DYSF: variants seen among roughly 807,000 people sequenced by gnomAD.
The protein encoded by DYSF is dysferlin.
DYSF carries 212 observed loss-of-function variants against 274.9 expected under a neutral mutation model. The observed-to-expected ratio is 0.77, with a 90% CI of 0.69 to 0.86. The LOEUF is 0.86. DYSF is among the 40% of genes least tolerant of loss of function. DYSF has a pLI of 0.00. For synonymous variants in DYSF, 1,091 were observed against 1,078.7 expected (o/e 1.01, Z -0.22); for missense variants, 2,666 against 2,783.2 (o/e 0.96, Z 0.95).
chr2:71,650,670 A>G (rs2094640864), intron 42 of DYSF, among the ~76,000 whole-genome samples: 1 of 152,174 alleles, frequency 6.6e-6, no homozygotes, highest in Non-Finnish European at 1.5e-5. Context: ...CAATACCAAG[A>G]AAACATTTTC....
intron 34 of DYSF, 195 bp from the exon 35 acceptor site, chr2:71,601,304 T>C: frequency 1.4e-6 from 1 of 717,352 alleles, no homozygotes; most frequent in Admixed American, 2.1e-5. Context: ...GTAGACTGAA[T>C]AGGAGTAGGG....
Position 71,594,111 on chromosome 2 carries a change from G to A in DYSF, c.3574+3823G>A, listed in dbSNP as rs746756462. ...AGGCTGCAGTGAGGTTTGATGAGCC[G>A]GAGCTGCCCACAGCTGGGGCCACGT... On this transcript the variant is annotated intron_variant, in intron 32 of 55. Transcript: ENST00000410020. 3.5e-4 allele frequency among the ~76,000 whole-genome samples: 54 copies of A among 152,156 alleles called. 1 individual carries two copies. The highest frequency in any genetic ancestry group is 2.6e-3 in the Admixed American group (40 of 15,280).
chr2:71,478,361 G>A (rs1247703064), intron 1 of DYSF, among the ~76,000 whole-genome samples: 3 of 151,934 alleles, frequency 2.0e-5, no homozygotes, highest in Non-Finnish European at 2.9e-5. Context: ...ACAGGTGCCA[G>A]CCACCATGCC....
intron 43 of DYSF, among the ~76,000 whole-genome samples, chr2:71,658,036 A>T (rs1279521589): frequency 6.6e-6 from 1 of 152,132 alleles, no homozygotes; most frequent in African/African-American, 2.4e-5. Context: ...CTGAACTTTT[A>T]TGCTCTGTTT....
chr2:71,612,748 G>A lies in DYSF; in HGVS notation c.4329G>A (p.Leu1443=). ...PVVGQCTIRS[L]ESFLCDPYSA... ...TGGGCCAGTGTACCATCCGCTCCCT[G>A]GAGAGCTTCCTGTGTGACCCCTACT... The change falls in exon 39 of 56, where the codon CTG becomes CTA. Residue 1443 remains leucine (L), a synonymous_variant. Transcript: ENST00000410020. 6.2e-7 allele frequency: 1 copy of A among 1,614,186 alleles called. No homozygotes were observed. Among genetic ancestry groups the A allele is most frequent in the Non-Finnish European group, 8.5e-7 (1 of 1,180,016 alleles).
intron 12 of DYSF, among the ~76,000 whole-genome samples, chr2:71,524,723 T>C (rs2087665828): frequency 6.6e-6 from 1 of 152,246 alleles, no homozygotes; most frequent in Non-Finnish European, 1.5e-5. Context: ...GACTTCCCCA[T>C]GTGCAAGGGC....
chr2:71,545,777 C>T (rs979048197), intron 17 of DYSF, among the ~76,000 whole-genome samples: 1 of 152,138 alleles, frequency 6.6e-6, no homozygotes, highest in Non-Finnish European at 1.5e-5. Flanking sequence ...ATCCCCCGAC[C>T]TGTCTTCATT....
chr2:71,613,465 T>C, intron 40 of DYSF, 55 bp downstream of exon 40: 1 of 1,426,084 alleles, frequency 7.0e-7, no homozygotes, highest in Non-Finnish European at 9.8e-7. Context: ...CCATTCCTCA[T>C]CAATTCCCAC....
intron 46 of DYSF, among the ~76,000 whole-genome samples, chr2:71,664,662 C>T: frequency 6.6e-6 from 1 of 152,160 alleles, no homozygotes; most frequent in South Asian, 2.1e-4. Context: ...AGGATTTGAA[C>T]CAAGAACCTG....
At chr2:71,495,925 G>T (rs1477474422) in intron 3 of DYSF, among the ~76,000 whole-genome samples, 2 of 151,834 alleles carry the variant, frequency 1.3e-5, no homozygotes, top group African/African-American at 4.8e-5. Context: ...TCTCTTCTGG[G>T]TCCTCAGGCA....
At chr2:71,548,866 C>A (rs992496426) in intron 17 of DYSF, among the ~76,000 whole-genome samples, 1 of 152,148 alleles carries the variant, frequency 6.6e-6, no homozygotes, top group Non-Finnish European at 1.5e-5. Flanking sequence ...CTGCTCGGCG[C>A]GCCTGGTCCC....
At chr2:71,470,881 T>C (rs2081986822) in intron 1 of DYSF, among the ~76,000 whole-genome samples, 1 of 149,438 alleles carries the variant, frequency 6.7e-6, no homozygotes, top group Non-Finnish European at 1.5e-5. Flanking sequence ...AACCGCCGCC[T>C]CCCAGGTTCG....
intron 40 of DYSF, among the ~76,000 whole-genome samples, chr2:71,617,779 G>GGGGT: frequency 9.4e-6 from 1 of 106,712 alleles, no homozygotes; most frequent in Middle Eastern, 5.1e-3. Flanking sequence ...TGGTAGAGGT[G>GGGGT]GTGTGTGTGT....
chr2:71,562,003 A>G, intron 23 of DYSF, 59 bp downstream of exon 23: 1 of 1,572,696 alleles, frequency 6.4e-7, no homozygotes, highest in Non-Finnish European at 8.6e-7. Flanking sequence ...GAACATCAGA[A>G]CTGGCAGGGA....
At chr2:71,494,546 G>A (rs940201740) in intron 3 of DYSF, among the ~76,000 whole-genome samples, 2 of 152,194 alleles carry the variant, frequency 1.3e-5, no homozygotes, top group Non-Finnish European at 2.9e-5. Context: ...GGTATGAGCT[G>A]ATTTTCATCT....
At chr2:71,686,236 A>G (rs2095354866) in intron 55 of DYSF, among the ~76,000 whole-genome samples, 1 of 152,186 alleles carries the variant, frequency 6.6e-6, no homozygotes, top group African/African-American at 2.4e-5. Context: ...GGGCTGGAGC[A>G]CTAGGCAGGG....
chr2:71,669,819 C>T lies in DYSF; in HGVS notation c.5784+73C>T. The T allele has an allele frequency of 3.8e-6, 6 of 1,598,674 alleles. No individual in the cohort carries two copies. The South Asian group carries it at 5.5e-5, about 15-fold the overall frequency. On this transcript the variant is annotated intron_variant, in intron 51 of 55. Coordinates refer to ENST00000410020, the MANE Select transcript of DYSF (RefSeq NM_001130987.2). ...AGTTAGCCTGACCTGACCACCACGTCCCTGCCTGGCAACTGTCACAATCTC... is the reference window on the plus strand; with the variant it reads ...AGTTAGCCTGACCTGACCACCACGTTCCTGCCTGGCAACTGTCACAATCTC...
intron 29 of DYSF, 89 bp from the exon 30 acceptor site, chr2:71,574,109 T>C: frequency 1.3e-6 from 2 of 1,529,184 alleles, no homozygotes. Flanking sequence ...GGAGTTGTCA[T>C]GGAAGACAGG....
intron 51 of DYSF, among the ~76,000 whole-genome samples, chr2:71,671,922 A>G (rs2095130180): frequency 6.6e-6 from 1 of 152,068 alleles, no homozygotes; most frequent in African/African-American, 2.4e-5. Context: ...GATGGCCAAG[A>G]GGGTCTTGGT....
Sources: allele counts gnomAD v4.1 joint callset (sites outside exome capture counted in the v4.1 genomes callset), GRCh38; gene constraint gnomAD v4.1.1; transcripts MANE v1.5; gene names NCBI Gene and HGNC (gene_info 2026-07-23, HGNC 2026-07-21).